Variants in TMSB15B observed in about 807,000 individuals in gnomAD.
The protein encoded by TMSB15B is thymosin beta 15B.
chrX:103,951,940 A>G (rs1213007289), intron 1 of TMSB15B, among the ~76,000 whole-genome samples: 2 of 111,456 alleles, frequency 1.8e-5, no homozygotes, highest in Admixed American at 9.5e-5. Flanking sequence ...GGGGTCCCCA[A>G]AATTACAGTG....
chrX:103,922,712 G>A (rs1195434799), intron 1 of TMSB15B, among the ~76,000 whole-genome samples: 1 of 111,557 alleles, frequency 9.0e-6, no homozygotes, highest in Non-Finnish European at 1.9e-5. Context: ...AATCCTTTGG[G>A]TATATACCCA....
At chrX:103,939,668 A>G (rs1365783182) in intron 1 of TMSB15B, among the ~76,000 whole-genome samples, 1 of 110,993 alleles carries the variant, frequency 9.0e-6, no homozygotes, top group Non-Finnish European at 1.9e-5. Flanking sequence ...CAATTCGTCA[A>G]ACTCATTCTC....
At chrX:103,941,284 C>G (rs1409818477) in intron 1 of TMSB15B, among the ~76,000 whole-genome samples, 1 of 112,175 alleles carries the variant, frequency 8.9e-6, no homozygotes, top group Non-Finnish European at 1.9e-5. Flanking sequence ...TAACTTGGAT[C>G]TTGTGAATAG....
At chrX:103,953,848 G>A (rs2075044818) in intron 1 of TMSB15B, among the ~76,000 whole-genome samples, 1 of 111,498 alleles carries the variant, frequency 9.0e-6, no homozygotes, top group Non-Finnish European at 1.9e-5. Flanking sequence ...CTTCTGCAGT[G>A]GAGCCGTCCT....
intron 1 of TMSB15B, chrX:103,928,795 G>T (rs782217446): frequency 2.5e-6 from 3 of 1,191,537 alleles, no homozygotes; most frequent in Non-Finnish European, 3.4e-6. Context: ...TCCTCCGATT[G>T]TGCTGGCTGC....
chrX:103,923,977 T>G (rs181970027), intron 1 of TMSB15B, among the ~76,000 whole-genome samples: 1 of 112,048 alleles, frequency 8.9e-6, no homozygotes, highest in Non-Finnish European at 1.9e-5. Flanking sequence ...ATTACTAATA[T>G]AACTTATGGA....
chrX:103,930,837 A>G (rs187556664), intron 1 of TMSB15B, among the ~76,000 whole-genome samples: 1 of 110,712 alleles, frequency 9.0e-6, no homozygotes, highest in Admixed American at 9.7e-5. Context: ...GCACCAGTTC[A>G]GGAACTGAAA....
At chrX:103,919,727 A>G (rs1305988537) in intron 1 of TMSB15B, among the ~76,000 whole-genome samples, 7 of 112,621 alleles carry the variant, frequency 6.2e-5, no homozygotes, top group African/African-American at 1.9e-4. Context: ...GCATAGAATT[A>G]GTGAGCAAGA....
intron 1 of TMSB15B, among the ~76,000 whole-genome samples, chrX:103,934,210 A>G (rs77187422): frequency 1.5e-4 from 17 of 111,070 alleles, no homozygotes; most frequent in Non-Finnish European, 2.8e-4. Context: ...CAACTTTTTT[A>G]GCTCTCCCAT....
chrX:103,925,951 A>G (rs2074966877), intron 1 of TMSB15B, among the ~76,000 whole-genome samples: 1 of 111,488 alleles, frequency 9.0e-6, no homozygotes, highest in Non-Finnish European at 1.9e-5. Context: ...AGAGCTGAGG[A>G]CTGTTGGGGG....
In TMSB15B at chrX:103,928,455, A is replaced by C. The variant is rs1309193963; in HGVS notation, c.-721+9163A>C. ...ACACCCTGGGACGCCACTGGGCTGC[A>C]GGGATCATGTCTGGCCTGGTGGAGG... On this transcript the variant is annotated intron_variant, in intron 1 of 3. Coordinates refer to the TMSB15B transcript ENST00000419165. 61 of 1,201,687 alleles carry C rather than the reference A, an allele frequency of 5.1e-5. 1 individual carries two copies. The Admixed American group carries it at 6.1e-4, about 12-fold the overall frequency.
At chrX:103,940,196 C>G (rs146938624) in intron 1 of TMSB15B, among the ~76,000 whole-genome samples, 126 of 112,374 alleles carry the variant, frequency 1.1e-3, no homozygotes, top group African/African-American at 4.0e-3. Flanking sequence ...GCTGGGAGAT[C>G]CACTGCTCTC....
chrX:103,921,562 A>T (rs1359974055), intron 1 of TMSB15B, among the ~76,000 whole-genome samples: 1 of 111,661 alleles, frequency 9.0e-6, no homozygotes, highest in East Asian at 2.8e-4. Context: ...GGATGGGGGG[A>T]GTATTTGCAA....
chrX:103,927,387 G>A (rs1272429769), intron 1 of TMSB15B, among the ~76,000 whole-genome samples: 2 of 112,067 alleles, frequency 1.8e-5, no homozygotes, highest in Non-Finnish European at 3.8e-5. Flanking sequence ...AAGAAACCCT[G>A]CTCTATTATA....
chrX:103,921,168 T>C (rs1337837209), intron 1 of TMSB15B, among the ~76,000 whole-genome samples: 7 of 112,033 alleles, frequency 6.2e-5, no homozygotes, highest in African/African-American at 1.6e-4. Context: ...GATGAAGCAC[T>C]TTCCATCTCA....
chrX:103,924,009 G>T, intron 1 of TMSB15B, among the ~76,000 whole-genome samples: 1 of 111,873 alleles, frequency 8.9e-6, no homozygotes, highest in East Asian at 2.8e-4. Context: ...ACCAGTTGCT[G>T]TGCTAAGCAC....
At chrX:103,950,773 A>G (rs782281549) in intron 1 of TMSB15B, among the ~76,000 whole-genome samples, 1 of 110,807 alleles carries the variant, frequency 9.0e-6, no homozygotes, top group African/African-American at 3.3e-5. Flanking sequence ...GATGAGAAAT[A>G]ACAGTATAAT....
At chrX:103,922,431 C>T (rs1180842831) in intron 1 of TMSB15B, among the ~76,000 whole-genome samples, 9 of 101,236 alleles carry the variant, frequency 8.9e-5, no homozygotes, top group Non-Finnish European at 1.6e-4. Flanking sequence ...TGTTCAATTC[C>T]CACCTATGAG....
At chrX:103,920,633 G>C (rs1353701532) in intron 1 of TMSB15B, among the ~76,000 whole-genome samples, 1 of 112,684 alleles carries the variant, frequency 8.9e-6, no homozygotes, top group Non-Finnish European at 1.9e-5. Context: ...TTTCAAATGG[G>C]TCTGTCATAA....
Sources: allele counts gnomAD v4.1 joint callset (sites outside exome capture counted in the v4.1 genomes callset), GRCh38; gene constraint gnomAD v4.1.1; transcripts MANE v1.5; gene names NCBI Gene and HGNC (gene_info 2026-07-23, HGNC 2026-07-21).